Variants in DLG2 observed in about 807,000 individuals in gnomAD.
The protein encoded by DLG2 is disks large homolog 2.
Under a neutral mutation model 132.5 loss-of-function variants are expected in DLG2, and 45 were observed. The ratio of observed to expected loss-of-function variants is 0.34; its 90% CI spans 0.27 to 0.44. DLG2 has a LOEUF of 0.44. Ranked by LOEUF, DLG2 falls within the 20% of genes least tolerant of loss-of-function variation. DLG2 has a pLI of 1.00. For synonymous variants in DLG2, 424 were observed against 419.6 expected, an observed-to-expected ratio of 1.01 and a Z score of -0.13; for missense variants, 1,045 against 1,196.9, an observed-to-expected ratio of 0.87 and a Z score of 1.87.
At chr11:85,454,212 T>G (rs1254880607) in intron 3 of DLG2, among the ~76,000 whole-genome samples, 1 of 151,626 alleles carries the variant, frequency 6.6e-6, no homozygotes, top group Non-Finnish European at 1.5e-5. Context: ...CATCTGTTAC[T>G]TTTTGAGTTT....
intron 6 of DLG2, among the ~76,000 whole-genome samples, chr11:84,972,057 G>A (rs72957713): frequency 1.3e-5 from 2 of 151,964 alleles, no homozygotes; most frequent in Non-Finnish European, 2.9e-5. Flanking sequence ...TGACTCAGAG[G>A]GGGGGAAAAC....
At chr11:84,223,281 C>A (rs2096941375) in intron 8 of DLG2, among the ~76,000 whole-genome samples, 2 of 151,990 alleles carry the variant, frequency 1.3e-5, no homozygotes, top group African/African-American at 4.8e-5. Flanking sequence ...ATGCTTTTGC[C>A]CTTGATAAGA....
At chr11:85,023,805 C>G (rs1053390620) in intron 6 of DLG2, among the ~76,000 whole-genome samples, 18 of 151,904 alleles carry the variant, frequency 1.2e-4, no homozygotes, top group African/African-American at 4.1e-4. Context: ...ATATAGATTG[C>G]TAAGTGCTTC....
At chr11:83,875,220 A>T (rs2064458842) in intron 15 of DLG2, among the ~76,000 whole-genome samples, 1 of 152,168 alleles carries the variant, frequency 6.6e-6, no homozygotes, top group Non-Finnish European at 1.5e-5. Flanking sequence ...GTAGTTCTAG[A>T]TTTTGATTAC....
chr11:84,834,114 G>A (rs1034524055), intron 6 of DLG2, among the ~76,000 whole-genome samples: 6 of 151,640 alleles, frequency 4.0e-5, no homozygotes, highest in African/African-American at 1.4e-4. Context: ...CCTTTAGAGA[G>A]GACAGTAGAA....
At chr11:84,326,632 G>A (rs899895035) in intron 7 of DLG2, among the ~76,000 whole-genome samples, 2 of 152,126 alleles carry the variant, frequency 1.3e-5, no homozygotes, top group Non-Finnish European at 2.9e-5. Flanking sequence ...GTTGTTTTGA[G>A]ACCTAATATG....
In DLG2 at chr11:83,459,319, A is replaced by C. The variant is rs1373519994; in HGVS notation, c.*499T>G. 6.5e-6 allele frequency: 1 copy of C among 152,966 alleles called. No individual in the cohort carries two copies. The highest frequency in any genetic ancestry group is 1.5e-5 in the Non-Finnish European group (1 of 68,248). 9.5% of individuals were successfully genotyped at this position (152,966 alleles called of 1,614,324 possible). On this transcript the variant is annotated 3_prime_UTR_variant, in exon 28 of 28. Coordinates refer to ENST00000376104, the MANE Select transcript of DLG2 (RefSeq NM_001142699.3). Reference sequence around the variant, plus strand: ...CTTCCCTGATAGTATGTCATCTCCAAAGGGATTCCTTTCTTTTTTCCTTCT... The same window carrying C: ...CTTCCCTGATAGTATGTCATCTCCACAGGGATTCCTTTCTTTTTTCCTTCT...
intron 3 of DLG2, among the ~76,000 whole-genome samples, chr11:85,395,430 G>T (rs1353400640): frequency 2.0e-5 from 3 of 152,128 alleles, no homozygotes; most frequent in Non-Finnish European, 4.4e-5. Context: ...CCCATGGAGG[G>T]TGAGCTGAAG....
intron 11 of DLG2, among the ~76,000 whole-genome samples, chr11:84,053,615 C>A (rs968580147): frequency 6.6e-6 from 1 of 151,828 alleles, no homozygotes; most frequent in African/African-American, 2.4e-5. Flanking sequence ...ATTTACAATT[C>A]TTATCCTGAA....
intron 6 of DLG2, chr11:84,720,937 G>C (rs562033434): frequency 7.1e-6 from 1 of 140,662 alleles, no homozygotes; most frequent in East Asian, 2.5e-4. Context: ...CGCTGGCCGG[G>C]CAAGTGGGGT....
intron 8 of DLG2, among the ~76,000 whole-genome samples, chr11:84,249,330 C>T (rs999304896): frequency 3.9e-5 from 6 of 152,166 alleles, no homozygotes; most frequent in Admixed American, 6.5e-5. Context: ...TCCAAATCTG[C>T]ATGTATCAGG....
chr11:85,125,336 TAATCATGTTTGGAGGGAA>T (rs1401271060), intron 5 of DLG2, among the ~76,000 whole-genome samples: 1 of 152,198 alleles, frequency 6.6e-6, no homozygotes, highest in Non-Finnish European at 1.5e-5. Context: ...TAACATCCTG[TAATCATGTTTGGAGGGAA>T]AACCATTTAC....
At chr11:84,978,055 T>C (rs1462880132) in intron 6 of DLG2, among the ~76,000 whole-genome samples, 1 of 152,198 alleles carries the variant, frequency 6.6e-6, no homozygotes. Flanking sequence ...GATATTTAGA[T>C]GTCTAAATGT....
At chr11:84,803,660 G>T (rs968617882) in intron 6 of DLG2, among the ~76,000 whole-genome samples, 1 of 152,146 alleles carries the variant, frequency 6.6e-6, no homozygotes, top group African/African-American at 2.4e-5. Context: ...GGATATAAAT[G>T]TGCCTTTAGG....
chr11:84,156,378 C>T (rs990097701), intron 9 of DLG2, among the ~76,000 whole-genome samples: 1 of 152,118 alleles, frequency 6.6e-6, no homozygotes, highest in Non-Finnish European at 1.5e-5. Flanking sequence ...AGTTAGTTGA[C>T]CGAGCATGGA....
At chr11:84,816,321 C>T (rs1221074973) in intron 6 of DLG2, among the ~76,000 whole-genome samples, 1 of 152,002 alleles carries the variant, frequency 6.6e-6, no homozygotes, top group African/African-American at 2.4e-5. Context: ...GAAAACTAAA[C>T]TGGCCACTGG....
chr11:85,318,764 C>T (rs2080858992), intron 3 of DLG2, among the ~76,000 whole-genome samples: 1 of 151,818 alleles, frequency 6.6e-6, no homozygotes, highest in South Asian at 2.1e-4. Flanking sequence ...AATACTGTTG[C>T]AGCATCTTTA....
At chr11:83,577,559 A>AATATATATAT (rs1167372199) in intron 19 of DLG2, among the ~76,000 whole-genome samples, 6,447 of 78,072 alleles carry the variant, frequency 0.083, 360 homozygotes, top group Admixed American at 0.12. Context: ...GAATTAATAG[A>AATATATATAT]ATATATATAT....
intron 3 of DLG2, among the ~76,000 whole-genome samples, chr11:85,573,677 T>G (rs1473273710): frequency 1.3e-5 from 2 of 152,154 alleles, no homozygotes; most frequent in African/African-American, 2.4e-5. Context: ...ATCCCCCCAA[T>G]AAATCCAATA....
Sources: allele counts gnomAD v4.1 joint callset (sites outside exome capture counted in the v4.1 genomes callset), GRCh38; gene constraint gnomAD v4.1.1; transcripts MANE v1.5; gene names NCBI Gene and HGNC (gene_info 2026-07-23, HGNC 2026-07-21).